Variants in NKAIN2 observed in about 807,000 individuals in gnomAD.
The protein encoded by NKAIN2 is sodium/potassium transporting ATPase interacting 2, also known as sodium/potassium-transporting ATPase subunit beta-1-interacting protein 2.
In NKAIN2, 14 loss-of-function variants were observed where a neutral mutation model predicts 32.6. The observed-to-expected ratio is 0.43, with a 90% confidence interval of 0.28 to 0.67. The LOEUF (loss-of-function observed/expected upper bound fraction) is 0.67. Ranked by LOEUF, NKAIN2 falls within the 30% of genes least tolerant of loss-of-function variation. The probability of loss-of-function intolerance (pLI) is 0.17; values close to 1 mark genes in which losing one functional copy is unlikely to be tolerated. For missense variants in NKAIN2, 198 were observed against 258.3 expected, an observed-to-expected ratio of 0.77 and a Z score of 1.60; for synonymous variants, 80 against 87.2, an observed-to-expected ratio of 0.92 and a Z score of 0.46.
chr6:124,454,342 A>T (rs1472843571), intron 3 of NKAIN2, among the ~76,000 whole-genome samples: 1 of 152,084 alleles, frequency 6.6e-6, no homozygotes, highest in Non-Finnish European at 1.5e-5. Flanking sequence ...AGTAACATAA[A>T]TAAAATTGTA....
At chr6:124,766,835 GA>G (rs1313398861) in intron 4 of NKAIN2, among the ~76,000 whole-genome samples, 5 of 152,160 alleles carry the variant, frequency 3.3e-5, no homozygotes, top group African/African-American at 1.2e-4. Flanking sequence ...AGATGATTGA[GA>G]AGGCTTTTGA....
intron 3 of NKAIN2, among the ~76,000 whole-genome samples, chr6:124,456,873 A>T (rs1465574147): frequency 6.6e-6 from 1 of 151,602 alleles, no homozygotes; most frequent in African/African-American, 2.4e-5. Flanking sequence ...TGTCTGCTGT[A>T]TTTTCATAAT....
chr6:124,756,666 A>G (rs1330336265), intron 4 of NKAIN2, among the ~76,000 whole-genome samples: 1 of 152,092 alleles, frequency 6.6e-6, no homozygotes. Flanking sequence ...AAAAAATAGA[A>G]AGAAGGCAAC....
chr6:124,140,052 G>A (rs1787058252), intron 1 of NKAIN2, among the ~76,000 whole-genome samples: 2 of 152,134 alleles, frequency 1.3e-5, no homozygotes, highest in South Asian at 4.2e-4. Flanking sequence ...AAATTCATAT[G>A]AGAAGTGCAA....
chr6:123,878,500 G>A (rs1365906252), intron 1 of NKAIN2, among the ~76,000 whole-genome samples: 2 of 151,806 alleles, frequency 1.3e-5, no homozygotes, highest in African/African-American at 2.4e-5. Context: ...GATTTCTTCA[G>A]GCTTGCTTTT....
intron 1 of NKAIN2, among the ~76,000 whole-genome samples, chr6:123,817,123 A>G (rs907763505): frequency 1.3e-5 from 2 of 152,042 alleles, no homozygotes; most frequent in African/African-American, 2.4e-5. Flanking sequence ...ATGGTGGGGG[A>G]TGATTTTGGA....
chr6:124,263,985 T>C (rs1014579290), intron 1 of NKAIN2, among the ~76,000 whole-genome samples: 2 of 152,172 alleles, frequency 1.3e-5, no homozygotes, highest in Non-Finnish European at 2.9e-5. Flanking sequence ...AAGGAGCAGA[T>C]AAAAATCTGT....
chr6:124,404,840 C>A (rs1773778563), intron 3 of NKAIN2, among the ~76,000 whole-genome samples: 1 of 151,996 alleles, frequency 6.6e-6, no homozygotes, highest in African/African-American at 2.4e-5. Context: ...CCAAGAGATT[C>A]TTTTTATTCA....
intron 3 of NKAIN2, among the ~76,000 whole-genome samples, chr6:124,506,179 TA>T (rs57951162): frequency 2.7e-5 from 4 of 147,370 alleles, no homozygotes; most frequent in African/African-American, 7.5e-5. Context: ...AGACTCCGTC[TA>T]AAAAAAAAAG....
chr6:124,561,535 C>T (rs1290016711), intron 3 of NKAIN2, among the ~76,000 whole-genome samples: 2 of 152,292 alleles, frequency 1.3e-5, no homozygotes, highest in African/African-American at 2.4e-5. Flanking sequence ...CAACCCACCA[C>T]CTCAATTCTT....
intron 3 of NKAIN2, among the ~76,000 whole-genome samples, chr6:124,418,471 A>G (rs1774595808): frequency 1.3e-5 from 2 of 148,178 alleles, no homozygotes; most frequent in Admixed American, 1.4e-4. Context: ...TATAGTTTAT[A>G]TAGTATATAT....
intron 3 of NKAIN2, among the ~76,000 whole-genome samples, chr6:124,621,081 G>T (rs1037136979): frequency 6.6e-6 from 1 of 152,140 alleles, no homozygotes; most frequent in Non-Finnish European, 1.5e-5. Context: ...TAAGAACGTA[G>T]CGAGGCCTGA....
At chr6:124,339,801 C>T (rs905959050) in intron 2 of NKAIN2, among the ~76,000 whole-genome samples, 1 of 152,238 alleles carries the variant, frequency 6.6e-6, no homozygotes, top group East Asian at 1.9e-4. Flanking sequence ...AGAGCCATTT[C>T]CCAGCCTACT....
chr6:124,356,189 C>G (rs771275237), intron 3 of NKAIN2, among the ~76,000 whole-genome samples: 2 of 152,062 alleles, frequency 1.3e-5, no homozygotes, highest in Non-Finnish European at 2.9e-5. Context: ...GAGATACTCA[C>G]GTGCTTTAAA....
intron 1 of NKAIN2, among the ~76,000 whole-genome samples, chr6:124,207,494 A>G (rs983528341): frequency 6.7e-6 from 1 of 149,162 alleles, no homozygotes; most frequent in Non-Finnish European, 1.5e-5. Context: ...GTGTTGCCAT[A>G]TGATTTTTAC....
chr6:124,335,347 A>G (rs1797821901), intron 2 of NKAIN2, among the ~76,000 whole-genome samples: 1 of 152,204 alleles, frequency 6.6e-6, no homozygotes, highest in Non-Finnish European at 1.5e-5. Context: ...ATTGACCTGT[A>G]TCTGTATTTG....
At chr6:124,678,906 G>T (rs1483391719) in intron 4 of NKAIN2, among the ~76,000 whole-genome samples, 1 of 152,192 alleles carries the variant, frequency 6.6e-6, no homozygotes, top group East Asian at 1.9e-4. Flanking sequence ...TTCTATGGAT[G>T]AATCTTCTCT....
At chr6:124,683,257 T>C (rs985243618) in intron 4 of NKAIN2, among the ~76,000 whole-genome samples, 2 of 152,128 alleles carry the variant, frequency 1.3e-5, no homozygotes, top group African/African-American at 4.8e-5. Context: ...AATGTAACCA[T>C]GGAGAGCAGA....
intron 1 of NKAIN2, among the ~76,000 whole-genome samples, chr6:123,889,921 A>T (rs1297362517): frequency 1.3e-5 from 2 of 152,018 alleles, no homozygotes; most frequent in African/African-American, 2.4e-5. Context: ...TTGGTTTTTA[A>T]TTTTTTAGTT....
Sources: allele counts gnomAD v4.1 joint callset (sites outside exome capture counted in the v4.1 genomes callset), GRCh38; gene constraint gnomAD v4.1.1; transcripts MANE v1.5; gene names NCBI Gene and HGNC (gene_info 2026-07-23, HGNC 2026-07-21).